CEACAM5: variants seen among roughly 807,000 people sequenced by gnomAD.
CEACAM5 encodes cell adhesion molecule CEACAM5.
A neutral mutation model predicts 63.0 loss-of-function variants in CEACAM5; 52 were observed. That is an observed-to-expected ratio of 0.83 (90% confidence interval 0.66 to 1.04). The LOEUF (loss-of-function observed/expected upper bound fraction) is 1.04, where lower values mean the gene tolerates loss of function less well. CEACAM5 is among the 50% of genes least tolerant of loss of function. CEACAM5 has a pLI of 0.00. For synonymous variants in CEACAM5, 357 were observed against 351.3 expected (o/e 1.02, Z -0.18); for missense variants, 790 against 864.8 (o/e 0.91, Z 1.08).
chr19:41,720,312 A>C (rs1600470919), intron 7 of CEACAM5, 104 bp downstream of exon 7: 1 of 1,345,290 alleles, frequency 7.4e-7, no homozygotes. Context: ...GCAGACTCCC[A>C]CCCCTGGACA....
At chr19:41,710,087 TCC>T in intron 2 of CEACAM5, 48 bp downstream of exon 2, 1 of 1,574,580 alleles carries the variant, frequency 6.4e-7, no homozygotes, top group Non-Finnish European at 8.6e-7. Flanking sequence ...CAGTTCTACT[TCC>T]CACACACAGG....
At chr19:41,720,593 G>A (rs1318613107) in intron 7 of CEACAM5, among the ~76,000 whole-genome samples, 9 of 136,710 alleles carry the variant, frequency 6.6e-5, no homozygotes, top group African/African-American at 2.5e-4. Flanking sequence ...TGCAAGCTCC[G>A]CCTCCTAGGT....
At chr19:41,713,181 T>G (rs1555814332) in intron 2 of CEACAM5, among the ~76,000 whole-genome samples, 1 of 152,154 alleles carries the variant, frequency 6.6e-6, no homozygotes, top group Non-Finnish European at 1.5e-5. Flanking sequence ...GGCATGCACC[T>G]ACAGTCTCAG....
In CEACAM5 at chr19:41,717,699, T is replaced by G. The variant is rs782376392; in HGVS notation, c.1203T>G (p.Val401=). Residue 401 remains valine (V), a synonymous_variant, in exon 5 of 10, where the codon GTT becomes GTG. Transcript: ENST00000221992. ...GTGGAATCCAGAACGAATTAAGTGTTGACCACAGCGACCCAGTCATCCTGA... is the reference window on the plus strand; with the variant it reads ...GTGGAATCCAGAACGAATTAAGTGTGGACCACAGCGACCCAGTCATCCTGA... ...YECGIQNELS[V]DHSDPVILNV... The G allele has an allele frequency of 2.5e-6, 4 of 1,614,072 alleles. No homozygotes were observed. In the African/African-American group the frequency reaches 5.3e-5, roughly 22 times the overall value.
At position 41,715,907 on chromosome 19, in the gene CEACAM5, A is replaced by C. The variant is rs2072519660; in HGVS notation, c.958+3A>C. On this transcript the variant is annotated splice_donor_region_variant and intron_variant, in intron 4 of 9. Coordinates refer to ENST00000221992, the MANE Select transcript of CEACAM5 (RefSeq NM_004363.6). ...AGTCACGACGATCACAGTCTATGGT[A>C]AGTGGATCCACGAAGCACTGACATC... is the stretch of plus-strand genomic sequence containing the variant. The C allele has an allele frequency of 6.2e-7, 1 of 1,612,040 alleles. No homozygotes were observed. The highest frequency in any genetic ancestry group is 1.3e-5 in the African/African-American group (1 of 74,888).
At position 41,710,023 on chromosome 19, in the gene CEACAM5, C is replaced by A. The variant is rs1014899972; in HGVS notation, c.408C>A (p.Gly136=). 4.4e-6 allele frequency: 7 copies of A among 1,604,602 alleles called. No individual in the cohort carries two copies. Among genetic ancestry groups the A allele is most frequent in the Admixed American group, 1.7e-5 (1 of 59,618 alleles). ...KSDLVNEEAT[G]QFRVYPELPK... ...ATCTTGTGAATGAAGAAGCAACTGGCCAGTTCCGGGTATACCGTGAGTGAT... is the reference window on the plus strand; with the variant it reads ...ATCTTGTGAATGAAGAAGCAACTGGACAGTTCCGGGTATACCGTGAGTGAT... Residue 136 remains glycine, a synonymous_variant, in exon 2 of 10, where the codon GGC becomes GGA. Transcript: ENST00000221992.
In CEACAM5 at chr19:41,718,295, GAGA is replaced by G; in HGVS notation, c.1410_1412del (p.Lys470del). 3.7e-6 allele frequency: 6 copies of G among 1,614,162 alleles called. No homozygotes were observed. Among genetic ancestry groups the G allele is most frequent in the Non-Finnish European group, 5.1e-6 (6 of 1,180,038 alleles). ...AGAGCTCTTTATCTCCAACATCACT[GAGA>G]AGAACAGCGGACTCTATACCTGCCA... On this transcript the variant is annotated inframe_deletion, in exon 6 of 10. Transcript: ENST00000221992.
At chr19:41,725,680 T>C (rs1555817025) in intron 8 of CEACAM5, among the ~76,000 whole-genome samples, 2 of 152,220 alleles carry the variant, frequency 1.3e-5, no homozygotes, top group Non-Finnish European at 2.9e-5. Context: ...CATTTTCATT[T>C]CTGATTTTAG....
Position 41,720,120 on chromosome 19 carries a change from C to T in CEACAM5, c.1683C>T (p.Val561=). The change falls in exon 7 of 10, where the codon GTC becomes GTT. Residue 561 remains valine, a synonymous_variant. Coordinates refer to ENST00000221992, the MANE Select transcript of CEACAM5 (RefSeq NM_004363.6). ...NGNRTLTLFN[V]TRNDARAYVC... is the part of the protein sequence containing the mutation. Reference sequence around the variant, plus strand: ...ACAGGACCCTCACTCTATTCAATGTCACAAGAAATGACGCAAGAGCCTATG... The same window carrying T: ...ACAGGACCCTCACTCTATTCAATGTTACAAGAAATGACGCAAGAGCCTATG... The T allele has an allele frequency of 6.2e-7, 1 of 1,614,242 alleles. No individual in the cohort carries two copies. The highest frequency in any genetic ancestry group is 8.5e-7 in the Non-Finnish European group (1 of 1,180,042).
chr19:41,715,131 T>C lies in CEACAM5; in HGVS notation c.585T>C (p.Asn195=), dbSNP rs549229149. 322 of 1,614,072 alleles carry C rather than the reference T, an allele frequency of 2.0e-4. No individual in the cohort carries two copies. The highest frequency in any genetic ancestry group is 2.7e-4 in the Non-Finnish European group (317 of 1,180,032). ...TCAGTCCCAGGCTGCAGCTGTCCAA[T>C]GGCAACAGGACCCTCACTCTATTCA... ...LPVSPRLQLS[N]GNRTLTLFNV... The change falls in exon 3 of 10, where the codon AAT becomes AAC. Residue 195 remains asparagine (N), a synonymous_variant. Transcript: ENST00000221992.
intron 6 of CEACAM5, 63 bp downstream of exon 6, chr19:41,718,445 AAG>A (rs1290652155): frequency 3.8e-6 from 6 of 1,566,250 alleles, no homozygotes; most frequent in Non-Finnish European, 5.2e-6. Flanking sequence ...GTTTTCAGAA[AAG>A]AGCCAGGAAG....
rs781965518 is a variant in CEACAM5 at position 41,721,049 on chromosome 19, G to A, written c.1899G>A (p.Pro633=). 3.5e-5 allele frequency: 56 copies of A among 1,614,012 alleles called. No homozygotes were observed. Among genetic ancestry groups the A allele is most frequent in the South Asian group, 6.6e-5 (6 of 91,074 alleles). Residue 633 remains proline, a synonymous_variant, in exon 8 of 10, where the codon CCG becomes CCA. Coordinates refer to ENST00000221992, the MANE Select transcript of CEACAM5 (RefSeq NM_004363.6). ...ATTCTTGGCGTATCAATGGGATACCGCAGCAACACACACAAGTTCTCTTTA... is the reference window on the plus strand; with the variant it reads ...ATTCTTGGCGTATCAATGGGATACCACAGCAACACACACAAGTTCTCTTTA... The part of the protein sequence containing the change: ...PQYSWRINGI[P]QQHTQVLFIA...
In CEACAM5 at chr19:41,717,748, T is replaced by C. The variant is rs2072551050; in HGVS notation, c.1237+15T>C. The stretch of plus-strand genomic sequence containing the variant: ...GAATGTCCTCTGTGAGTATCTTCTG[T>C]TCCTCTGTGGCTCAGGCTGCCAGCC... On this transcript the variant is annotated intron_variant, in intron 5 of 9. Transcript: ENST00000221992. The C allele has an allele frequency of 6.2e-7, 1 of 1,611,308 alleles. No individual in the cohort carries two copies. The highest frequency in any genetic ancestry group is 1.3e-5 in the African/African-American group (1 of 74,880).
At chr19:41,717,789 A>G (rs1443751365) in intron 5 of CEACAM5, 56 bp downstream of exon 5, 24 of 1,591,252 alleles carry the variant, frequency 1.5e-5, no homozygotes, top group Admixed American at 6.7e-5. Flanking sequence ...CCACATAGCC[A>G]AAGTCCAGGC....
intron 3 of CEACAM5, 92 bp from the exon 4 acceptor site, chr19:41,715,558 C>T (rs532389426): frequency 6.7e-7 from 1 of 1,501,582 alleles, no homozygotes; most frequent in African/African-American, 1.4e-5. Flanking sequence ...GATTGTGATT[C>T]AGCTTAGAGG....
chr19:41,715,944 T>A (rs565665715), intron 4 of CEACAM5, 40 bp downstream of exon 4: 2 of 1,596,686 alleles, frequency 1.3e-6, no homozygotes, highest in African/African-American at 1.3e-5. Flanking sequence ...TGTTTTGAGG[T>A]GGAGTCTGTC....
rs2072749476 is a variant in CEACAM5, at chr19:41,730,006, A to G, written c.*859A>G. Among the ~76,000 whole-genome samples the G allele has an allele frequency of 6.6e-6, 1 of 152,204 alleles. No individual in the cohort carries two copies. Among genetic ancestry groups the G allele is most frequent in the African/African-American group, 2.4e-5 (1 of 41,464 alleles). On this transcript the variant is annotated 3_prime_UTR_variant, in exon 10 of 10. Coordinates refer to ENST00000221992, the MANE Select transcript of CEACAM5 (RefSeq NM_004363.6). ...GAGGATATAAACCCATAGGTAATAA[A>G]CCCACAGGTACTACAAACAAAGTCT...
In CEACAM5 at chr19:41,709,998, A is replaced by T. The variant is rs1221661282; in HGVS notation, c.383A>T (p.Asp128Val). ...TACACCCTACACGTCATAAAGTCAG[A>T]TCTTGTGAATGAAGAAGCAACTGGC... ...GFYTLHVIKS[D>V]LVNEEATGQF... The change falls in exon 2 of 10, where the codon GAT becomes GTT. Residue 128 changes from aspartate (D) to valine (V), a missense_variant. By Grantham distance (152) the Asp-to-Val change is radical (BLOSUM62 -3). Coordinates refer to ENST00000221992, the MANE Select transcript of CEACAM5 (RefSeq NM_004363.6). 3.7e-6 allele frequency: 6 copies of T among 1,610,904 alleles called. No homozygotes were observed. Among genetic ancestry groups the T allele is most frequent in the African/African-American group, 1.3e-5 (1 of 74,794 alleles).
rs1367616104 is a variant in CEACAM5 at position 41,708,947 on chromosome 19, A to C, written c.64+152A>C. The C allele has an allele frequency of 8.5e-6, 5 of 591,258 alleles. No individual in the cohort carries two copies. The African/African-American group carries it at 9.4e-5, about 11-fold the overall frequency. 36.6% of individuals were successfully genotyped at this position (591,258 alleles called of 1,614,324 possible). On this transcript the variant is annotated intron_variant, in intron 1 of 9. Transcript: ENST00000221992. The stretch of plus-strand genomic sequence containing the variant: ...ACAGGAGTCACACCAGAAAAATCAA[A>C]TTGAACTGGAATTGGAAAGGGGCAG...
Sources: allele counts gnomAD v4.1 joint callset (sites outside exome capture counted in the v4.1 genomes callset), GRCh38; gene constraint gnomAD v4.1.1; transcripts MANE v1.5; gene names NCBI Gene and HGNC (gene_info 2026-07-23, HGNC 2026-07-21).